COL4A4: variants seen among roughly 807,000 people sequenced by gnomAD.
COL4A4 encodes collagen alpha-4(IV) chain.
In COL4A4, 105 loss-of-function variants were observed where a neutral mutation model predicts 192.9. The ratio of observed to expected loss-of-function variants is 0.54; its 90% CI spans 0.46 to 0.64. The LOEUF is 0.64. Among genes scored for constraint, COL4A4 ranks in the 30% least tolerant of loss-of-function variants. The probability of loss-of-function intolerance (pLI) is 0.00; values close to 1 mark genes in which losing one functional copy is unlikely to be tolerated. For synonymous variants in COL4A4, 762 were observed against 769.9 expected (o/e 0.99, Z 0.17); for missense variants, 1,967 against 2,169.3 (o/e 0.91, Z 1.85).
chr2:227,103,270 T>C, intron 13 of COL4A4, 73 bp from the exon 14 acceptor site: 1 of 1,187,934 alleles, frequency 8.4e-7, no homozygotes, highest in Admixed American at 1.9e-5. Flanking sequence ...CCTTCAGAAA[T>C]CATCTCTTTT....
At chr2:226,981,280 G>A in the COL4A4 span, among the ~76,000 whole-genome samples, 1 of 152,238 alleles carries the variant, frequency 6.6e-6, no homozygotes, top group East Asian at 1.9e-4. Flanking sequence ...CCGAGTTGAT[G>A]GGTGCAGCGG....
the COL4A4 span, among the ~76,000 whole-genome samples, chr2:226,994,524 C>CAAATTACCAAGGTTAGCAGA: frequency 6.6e-6 from 1 of 152,152 alleles, no homozygotes; most frequent in Non-Finnish European, 1.5e-5. Flanking sequence ...CCTTTCAGTG[C>CAAATTACCAAGGTTAGCAGA]AAATTACCAA....
chr2:227,023,795 C>G (rs903938048), intron 43 of COL4A4, among the ~76,000 whole-genome samples: 1 of 152,092 alleles, frequency 6.6e-6, no homozygotes, highest in Non-Finnish European at 1.5e-5. Flanking sequence ...GGACAGATCA[C>G]GAGGTCAAGA....
intron 37 of COL4A4, among the ~76,000 whole-genome samples, chr2:227,041,789 A>AAAGAAAGAAAGG (rs1559476434): frequency 1.7e-4 from 7 of 41,910 alleles, no homozygotes; most frequent in East Asian, 1.7e-3. Flanking sequence ...GAAGGAAGGG[A>AAAGAAAGAAAGG]AAGAAAGAAA....
chr2:227,085,984 A>T (rs2059582861), intron 22 of COL4A4, among the ~76,000 whole-genome samples: 1 of 152,146 alleles, frequency 6.6e-6, no homozygotes, highest in African/African-American at 2.4e-5. Flanking sequence ...ACAAGCCTCT[A>T]AGATGGTGTT....
chr2:227,095,302 C>A (rs545641410), intron 19 of COL4A4, among the ~76,000 whole-genome samples: 2 of 152,244 alleles, frequency 1.3e-5, no homozygotes, highest in African/African-American at 4.8e-5. Context: ...ATCACAGCAG[C>A]CCAGGTTGAT....
chr2:227,018,249 T>G (rs1209448377), intron 44 of COL4A4, among the ~76,000 whole-genome samples: 18 of 152,160 alleles, frequency 1.2e-4, no homozygotes, highest in Non-Finnish European at 1.5e-5. Flanking sequence ...TGTTTTGTTT[T>G]AGATGGAGTT....
chr2:226,991,852 G>A, the COL4A4 span, among the ~76,000 whole-genome samples: 2 of 152,272 alleles, frequency 1.3e-5, no homozygotes, highest in South Asian at 2.1e-4. Flanking sequence ...CTCCTCTCAC[G>A]TATGAGTCAA....
At chr2:227,049,994 G>C (rs986125400) in intron 34 of COL4A4, 74 bp downstream of exon 34, 48 of 1,408,582 alleles carry the variant, frequency 3.4e-5, no homozygotes, top group Non-Finnish European at 4.6e-5. Flanking sequence ...TCATGTAAAA[G>C]GCACTTGTTT....
the COL4A4 span, among the ~76,000 whole-genome samples, chr2:226,973,371 G>T: frequency 2.6e-5 from 4 of 152,200 alleles, no homozygotes; most frequent in Admixed American, 1.3e-4. Context: ...AGAAGTGGGT[G>T]CCTGGGGGAG....
intron 1 of COL4A4, among the ~76,000 whole-genome samples, chr2:227,160,100 G>T (rs2064700400): frequency 6.6e-6 from 1 of 152,150 alleles, no homozygotes; most frequent in South Asian, 2.1e-4. Flanking sequence ...AAGGTGTGAG[G>T]TGAGGAAGTC....
the COL4A4 span, chr2:226,988,455 T>C: frequency 8.8e-3 from 13,570 of 1,549,016 alleles, 73 homozygotes; most frequent in Non-Finnish European, 0.011. Context: ...TAAGGAATCC[T>C]TTGAGGCTGC....
chr2:227,059,994 C>G (rs1190504443), intron 27 of COL4A4, 142 bp downstream of exon 27: 3 of 657,374 alleles, frequency 4.6e-6, no homozygotes, highest in African/African-American at 3.8e-5. Flanking sequence ...AAGGGTCTAT[C>G]AAGAAACACC....
chr2:227,128,147 G>A (rs924650947), intron 4 of COL4A4, among the ~76,000 whole-genome samples: 3 of 152,182 alleles, frequency 2.0e-5, no homozygotes, highest in African/African-American at 7.2e-5. Context: ...CACCTAGCAA[G>A]CTCAGATTCA....
chr2:227,081,749 TAAAA>T (rs575728575), intron 23 of COL4A4, among the ~76,000 whole-genome samples: 1 of 152,132 alleles, frequency 6.6e-6, no homozygotes, highest in Non-Finnish European at 1.5e-5. Context: ...ATAAATTACT[TAAAA>T]AAACGATTTC....
chr2:226,985,979 A>G, the COL4A4 span, among the ~76,000 whole-genome samples: 1 of 152,262 alleles, frequency 6.6e-6, no homozygotes. Flanking sequence ...AGCACTACTT[A>G]TCTAAGTGGT....
chr2:227,043,174 T>C lies in COL4A4; in HGVS notation c.3300A>G (p.Gly1100=). 1.2e-6 allele frequency: 2 copies of C among 1,613,954 alleles called. No individual in the cohort carries two copies. Among genetic ancestry groups the C allele is most frequent in the Non-Finnish European group, 1.7e-6 (2 of 1,179,868 alleles). Residue 1100 remains glycine (G), a synonymous_variant, in exon 36 of 48, where the codon GGA becomes GGG. Coordinates refer to ENST00000396625, the MANE Select transcript of COL4A4 (RefSeq NM_000092.5). ...PGSPGCPGHF[G]ASGEQGLPGI... The stretch of plus-strand genomic sequence containing the variant: ...CAGGCAAGCCCTGCTCTCCGGATGC[T>C]CCAAAATGCCCTAAAGAAGGAAAGA...
At chr2:227,016,782 C>A (rs551325140) in intron 44 of COL4A4, among the ~76,000 whole-genome samples, 1 of 152,324 alleles carries the variant, frequency 6.6e-6, no homozygotes, top group East Asian at 1.9e-4. Context: ...CGATATGCTC[C>A]TGTTATGCTT....
chr2:227,047,022 C>A (rs140929804), intron 35 of COL4A4, among the ~76,000 whole-genome samples: 1 of 151,946 alleles, frequency 6.6e-6, no homozygotes, highest in Non-Finnish European at 1.5e-5. Flanking sequence ...TCAACAATGG[C>A]GCACCACTTA....
Sources: allele counts gnomAD v4.1 joint callset (sites outside exome capture counted in the v4.1 genomes callset), GRCh38; gene constraint gnomAD v4.1.1; transcripts MANE v1.5; gene names NCBI Gene and HGNC (gene_info 2026-07-23, HGNC 2026-07-21).